PAX5: variants seen among roughly 807,000 people sequenced by gnomAD.
The protein encoded by PAX5 is paired box 5, also known as paired box protein Pax-5.
Under a neutral mutation model 43.7 loss-of-function variants are expected in PAX5, and 9 were observed. The observed-to-expected ratio is 0.21, with a 90% CI of 0.12 to 0.36. PAX5 has a LOEUF of 0.36. PAX5 is among the 10% of genes least tolerant of loss of function. PAX5 has a pLI of 1.00. For missense variants in PAX5, 383 were observed against 532.7 expected (o/e 0.72, Z 2.77); for synonymous variants, 228 against 214.3 (o/e 1.06, Z -0.56).
intron 1 of PAX5, among the ~76,000 whole-genome samples, chr9:37,027,517 A>G (rs562383101): frequency 1.3e-4 from 20 of 152,318 alleles, no homozygotes; most frequent in Admixed American, 9.1e-4. Flanking sequence ...AGTGAGGAAC[A>G]GAGGAGAGAG....
chr9:37,032,256 C>A (rs762340579), intron 1 of PAX5, among the ~76,000 whole-genome samples: 2 of 152,064 alleles, frequency 1.3e-5, no homozygotes, highest in Non-Finnish European at 2.9e-5. Context: ...AAGAGCCCAT[C>A]GACCGCCATG....
At position 37,003,181 on chromosome 9, in the gene PAX5, A is replaced by C. The variant is rs1364592765; in HGVS notation, c.476-405T>G. On this transcript the variant is annotated intron_variant, in intron 4 of 9. Transcript: ENST00000358127. Reference sequence around the variant, plus strand: ...AAAAAAAAAAAAAAAAAAAAAAAAAACCTGAACTACTCGTTAGGCATTTCA... The same window carrying C: ...AAAAAAAAAAAAAAAAAAAAAAAAACCCTGAACTACTCGTTAGGCATTTCA... Among the ~76,000 whole-genome samples the C allele has an allele frequency of 3.2e-4, 32 of 99,082 alleles. No homozygotes were observed. In the East Asian group the frequency reaches 7.6e-3, roughly 24 times the overall value. The allele number at this position is 99,082 out of a possible 152,430, so 65.0% of individuals were successfully genotyped here. A position where few individuals can be genotyped will look rare whatever the true frequency, so the allele number is the denominator to read the frequency against.
At chr9:36,987,819 C>T (rs1836566797) in intron 5 of PAX5, among the ~76,000 whole-genome samples, 1 of 152,244 alleles carries the variant, frequency 6.6e-6, no homozygotes, top group African/African-American at 2.4e-5. Flanking sequence ...GTCTCTGCCT[C>T]TCTGCCTGCC....
At chr9:36,929,246 G>GAAGGAAGA (rs770728732) in intron 6 of PAX5, among the ~76,000 whole-genome samples, 4,100 of 16,342 alleles carry the variant, frequency 0.25, 91 homozygotes, top group East Asian at 0.41. Flanking sequence ...AGGAAGGAAG[G>GAAGGAAGA]AAGGAAGGAA....
In PAX5 at chr9:37,033,989, T is replaced by C; in HGVS notation, c.43A>G (p.Thr15Ala). ...KNYPTPRTSR[T>A]GHGGVNQLGG... The stretch of plus-strand genomic sequence containing the variant: ...GGAGCCCGTATCGCGGTCCTACCTG[T>C]CCTGCTGGTCCGAGGAGTCGGATAA... The change falls in exon 1 of 10, where the codon ACA becomes GCA. Residue 15 changes from threonine (T) to alanine (A), a missense_variant. This residue lies in a region of PAX5 where 54 missense variants were observed against 68.6 expected (regional missense o/e 0.79). Transcript: ENST00000358127. 2.5e-6 allele frequency: 4 copies of C among 1,611,500 alleles called. No individual in the cohort carries two copies. Among genetic ancestry groups the C allele is most frequent in the Non-Finnish European group, 2.5e-6 (3 of 1,179,522 alleles).
Position 36,839,261 on chromosome 9 carries a change from C to T in PAX5, c.*1299G>A. ...CCACCCTAGCCCACAGTGAGTTCTC[C>T]AAGCTCCCTCTCCAAGTTCCCGTGG... On this transcript the variant is annotated 3_prime_UTR_variant, in exon 10 of 10. Transcript: ENST00000358127. 1 of 233,606 alleles carries T rather than the reference C, an allele frequency of 4.3e-6. No individual in the cohort carries two copies. The highest frequency in any genetic ancestry group is 5.6e-5 in the Admixed American group (1 of 17,808). The allele number at this position is 233,606 out of a possible 1,614,324, so 14.5% of individuals were successfully genotyped here. A position where few individuals can be genotyped will look rare whatever the true frequency, so the allele number is the denominator to read the frequency against.
At chr9:37,027,502 C>T (rs1386367288) in intron 1 of PAX5, among the ~76,000 whole-genome samples, 3 of 152,232 alleles carry the variant, frequency 2.0e-5, no homozygotes, top group Non-Finnish European at 2.9e-5. Context: ...CTGCCCCAGG[C>T]GTGGAGTGAG....
At chr9:37,026,790 C>T (rs1241678178) in intron 1 of PAX5, 1 of 930,550 alleles carries the variant, frequency 1.1e-6, no homozygotes, top group Non-Finnish European at 1.3e-6. Context: ...CGCACCCGGG[C>T]TAGGAGCGGG....
intron 1 of PAX5, among the ~76,000 whole-genome samples, chr9:37,023,702 T>C (rs116968176): frequency 2.0e-5 from 3 of 152,146 alleles, no homozygotes; most frequent in East Asian, 1.9e-4. Flanking sequence ...TGGCTGAGCA[T>C]AGGATTTTGG....
chr9:36,913,664 C>A (rs1046556210), intron 7 of PAX5, among the ~76,000 whole-genome samples: 6 of 152,200 alleles, frequency 3.9e-5, no homozygotes, highest in Non-Finnish European at 1.5e-5. Flanking sequence ...GCTGGTAGAG[C>A]AGGTGTTTAA....
At chr9:36,937,338 C>T (rs1831643826) in intron 6 of PAX5, among the ~76,000 whole-genome samples, 1 of 152,210 alleles carries the variant, frequency 6.6e-6, no homozygotes, top group African/African-American at 2.4e-5. Flanking sequence ...CACCCCCCAG[C>T]AGTGCGACTC....
chr9:37,018,631 C>G (rs1839597528), intron 2 of PAX5, among the ~76,000 whole-genome samples: 1 of 150,548 alleles, frequency 6.6e-6, no homozygotes, highest in Non-Finnish European at 1.5e-5. Context: ...CCCAGTTACA[C>G]TGTTTTAGGG....
chr9:36,945,794 A>C (rs1044268130), intron 6 of PAX5, among the ~76,000 whole-genome samples: 4 of 152,230 alleles, frequency 2.6e-5, no homozygotes, highest in African/African-American at 7.2e-5. Context: ...GGCCTTGGAA[A>C]AGTTACTTAA....
At chr9:36,963,184 G>T (rs1266103792) in intron 6 of PAX5, among the ~76,000 whole-genome samples, 2 of 152,230 alleles carry the variant, frequency 1.3e-5, no homozygotes, top group East Asian at 3.8e-4. Flanking sequence ...AGAAAACACT[G>T]GGTCAGTCAT....
intron 3 of PAX5, among the ~76,000 whole-genome samples, chr9:37,013,648 C>G (rs1839154188): frequency 6.6e-6 from 1 of 152,134 alleles, no homozygotes; most frequent in African/African-American, 2.4e-5. Flanking sequence ...TCATTGCTAT[C>G]CCCTCAGCAA....
chr9:36,859,527 C>T (rs1282116622), intron 8 of PAX5, among the ~76,000 whole-genome samples: 1 of 152,176 alleles, frequency 6.6e-6, no homozygotes, highest in East Asian at 1.9e-4. Context: ...CTGCACCCGA[C>T]ATTCATTCCT....
At chr9:37,022,269 A>G (rs994497499) in intron 1 of PAX5, among the ~76,000 whole-genome samples, 15 of 152,218 alleles carry the variant, frequency 9.9e-5, no homozygotes, top group Non-Finnish European at 7.3e-5. Flanking sequence ...TGATTGTTCT[A>G]AAAGACATAA....
chr9:36,885,091 G>C (rs752784635), intron 7 of PAX5, among the ~76,000 whole-genome samples: 3 of 152,216 alleles, frequency 2.0e-5, no homozygotes, highest in African/African-American at 7.2e-5. Context: ...AAAGGGCCTG[G>C]GTTGTTCCTT....
intron 6 of PAX5, among the ~76,000 whole-genome samples, chr9:36,935,208 CTG>C (rs980526521): frequency 6.6e-5 from 10 of 152,068 alleles, no homozygotes; most frequent in Non-Finnish European, 1.3e-4. Flanking sequence ...ATGGAGAAAC[CTG>C]TGTCTACTAA....
Sources: allele counts gnomAD v4.1 joint callset (sites outside exome capture counted in the v4.1 genomes callset), GRCh38; gene constraint gnomAD v4.1.1; regional missense constraint gnomAD v4.1.1; transcripts MANE v1.5; gene names NCBI Gene and HGNC (gene_info 2026-07-23, HGNC 2026-07-21).